RAB3C: variants seen among roughly 807,000 people sequenced by gnomAD.
RAB3C encodes the protein RAB3C, member RAS oncogene family, also known as ras-related protein Rab-3C.
In RAB3C, 17 loss-of-function variants were observed where a neutral mutation model predicts 26.4. The observed-to-expected ratio is 0.64, with a 90% confidence interval of 0.44 to 0.97. The LOEUF is 0.97. Ranked by LOEUF, RAB3C falls within the 50% of genes least tolerant of loss-of-function variation. RAB3C has a pLI of 0.00. For missense variants in RAB3C, 242 were observed against 281.9 expected (o/e 0.86, Z 1.01); for synonymous variants, 91 against 95.9 (o/e 0.95, Z 0.30).
At chr5:58,762,425 G>T (rs1269244412) in intron 3 of RAB3C, among the ~76,000 whole-genome samples, 1 of 152,140 alleles carries the variant, frequency 6.6e-6, no homozygotes, top group Non-Finnish European at 1.5e-5. Context: ...TGGTGCTGTG[G>T]CTCACACCTG....
At chr5:58,825,643 C>A (rs986223554) in intron 4 of RAB3C, among the ~76,000 whole-genome samples, 3 of 152,026 alleles carry the variant, frequency 2.0e-5, no homozygotes, top group African/African-American at 7.3e-5. Flanking sequence ...ACTTAGTCAC[C>A]CCATCTCTCC....
chr5:58,716,660 G>T (rs569272389), intron 2 of RAB3C, among the ~76,000 whole-genome samples: 1 of 151,770 alleles, frequency 6.6e-6, no homozygotes, highest in African/African-American at 2.4e-5. Context: ...TAGTTTGCTC[G>T]GTAAAAAGCC....
At chr5:58,664,511 C>A (rs1747966073) in intron 2 of RAB3C, among the ~76,000 whole-genome samples, 1 of 151,938 alleles carries the variant, frequency 6.6e-6, no homozygotes, top group Non-Finnish European at 1.5e-5. Context: ...TATAAAAGGG[C>A]AACATGAGTA....
At chr5:58,827,993 C>A (rs965039954) in intron 4 of RAB3C, among the ~76,000 whole-genome samples, 2 of 152,198 alleles carry the variant, frequency 1.3e-5, no homozygotes, top group Admixed American at 6.5e-5. Flanking sequence ...CTCGAAATAA[C>A]TGCTTTATCG....
Position 58,779,575 on chromosome 5 carries a change from A to G in RAB3C, c.372-45463A>G, listed in dbSNP as rs142370502. On this transcript the variant is annotated intron_variant, in intron 3 of 4. Transcript: ENST00000282878. ...TATTTTTTAAAATTTCGTTGTAGAGATGGGGCCTTATCATGTTGCCTAGGC... is the reference window on the plus strand; with the variant it reads ...TATTTTTTAAAATTTCGTTGTAGAGGTGGGGCCTTATCATGTTGCCTAGGC... Among the ~76,000 whole-genome samples, 1,342 of 151,936 alleles carry G rather than the reference A, an allele frequency of 8.8e-3. 23 individuals carry two copies. The highest frequency in any genetic ancestry group is 0.031 in the African/African-American group (1,278 of 41,414).
intron 2 of RAB3C, among the ~76,000 whole-genome samples, chr5:58,703,459 G>C (rs1382564434): frequency 6.6e-6 from 1 of 152,146 alleles, no homozygotes; most frequent in Non-Finnish European, 1.5e-5. Flanking sequence ...TGGAATTACA[G>C]GCATGAGCCA....
At chr5:58,838,391 A>C (rs1004586288) in intron 4 of RAB3C, among the ~76,000 whole-genome samples, 20 of 152,202 alleles carry the variant, frequency 1.3e-4, no homozygotes, top group African/African-American at 4.6e-4. Context: ...AAAAAAAAAA[A>C]AACTTTTTGT....
At chr5:58,850,852 A>C (rs767405067) in intron 4 of RAB3C, among the ~76,000 whole-genome samples, 4 of 152,212 alleles carry the variant, frequency 2.6e-5, no homozygotes, top group African/African-American at 4.8e-5. Context: ...TGTTGTCATT[A>C]CTAACTCTTG....
intron 2 of RAB3C, among the ~76,000 whole-genome samples, chr5:58,651,865 G>T (rs1002088698): frequency 6.6e-6 from 1 of 152,110 alleles, no homozygotes; most frequent in Non-Finnish European, 1.5e-5. Flanking sequence ...TATAACGTAC[G>T]CACATCCTCT....
chr5:58,610,751 A>G (rs1300834325), intron 1 of RAB3C, among the ~76,000 whole-genome samples: 2 of 152,086 alleles, frequency 1.3e-5, no homozygotes, highest in Non-Finnish European at 2.9e-5. Context: ...GGAACATAGT[A>G]ACTTTATTTA....
chr5:58,838,947 A>G (rs1743810993), intron 4 of RAB3C, among the ~76,000 whole-genome samples: 1 of 151,718 alleles, frequency 6.6e-6, no homozygotes, highest in Non-Finnish European at 1.5e-5. Context: ...TTTTATTATT[A>G]TATTGTATCC....
intron 3 of RAB3C, among the ~76,000 whole-genome samples, chr5:58,792,614 G>C (rs1014055545): frequency 1.1e-4 from 17 of 151,902 alleles, no homozygotes; most frequent in African/African-American, 3.4e-4. Context: ...AGATGAAGGG[G>C]AGTGATAGTA....
At chr5:58,730,282 T>TA (rs923970479) in intron 3 of RAB3C, among the ~76,000 whole-genome samples, 9 of 151,696 alleles carry the variant, frequency 5.9e-5, no homozygotes, top group Non-Finnish European at 8.8e-5. Flanking sequence ...ATTTCAAAAG[T>TA]AAAAAAAATC....
intron 2 of RAB3C, among the ~76,000 whole-genome samples, chr5:58,684,439 T>G (rs893516180): frequency 6.6e-6 from 1 of 152,148 alleles, no homozygotes; most frequent in African/African-American, 2.4e-5. Flanking sequence ...CAGGCCTCAG[T>G]TGGAATGCCA....
chr5:58,849,951 C>T (rs1008355808), intron 4 of RAB3C, among the ~76,000 whole-genome samples: 4 of 152,178 alleles, frequency 2.6e-5, no homozygotes, highest in Non-Finnish European at 4.4e-5. Context: ...TGAATCCATG[C>T]GGCTCCTCTG....
chr5:58,639,179 C>G (rs1236424691), intron 2 of RAB3C, among the ~76,000 whole-genome samples: 5 of 152,088 alleles, frequency 3.3e-5, no homozygotes, highest in African/African-American at 1.2e-4. Context: ...ACTGAAACAC[C>G]CTTGCTCATT....
intron 2 of RAB3C, among the ~76,000 whole-genome samples, chr5:58,636,740 T>G (rs1747297252): frequency 6.6e-6 from 1 of 152,176 alleles, no homozygotes; most frequent in Non-Finnish European, 1.5e-5. Flanking sequence ...TGGAATTGTC[T>G]CCTTTTCGTT....
intron 3 of RAB3C, among the ~76,000 whole-genome samples, chr5:58,821,844 T>C (rs1163902299): frequency 6.6e-6 from 1 of 152,248 alleles, no homozygotes; most frequent in Non-Finnish European, 1.5e-5. Context: ...TTGAAAACTC[T>C]CCTGCTGTAG....
At chr5:58,666,398 A>T (rs1748002371) in intron 2 of RAB3C, among the ~76,000 whole-genome samples, 1 of 152,200 alleles carries the variant, frequency 6.6e-6, no homozygotes, top group Admixed American at 6.5e-5. Flanking sequence ...TAGTTTTGCC[A>T]AGTGTTTATA....
Sources: allele counts gnomAD v4.1 joint callset (sites outside exome capture counted in the v4.1 genomes callset), GRCh38; gene constraint gnomAD v4.1.1; transcripts MANE v1.5; gene names NCBI Gene and HGNC (gene_info 2026-07-23, HGNC 2026-07-21).